The following PCDH15 variants were observed in gnomAD, a reference collection of about 807,000 sequenced individuals.
PCDH15 encodes the protein protocadherin-15.
In PCDH15, 129 loss-of-function variants were observed where a neutral mutation model predicts 178.5. The ratio of observed to expected loss-of-function variants is 0.72; its 90% CI spans 0.63 to 0.84. The LOEUF is 0.84. Among genes scored for constraint, PCDH15 ranks in the 40% least tolerant of loss-of-function variants. PCDH15 has a pLI of 0.00. For synonymous variants in PCDH15, 800 were observed against 732.0 expected, an observed-to-expected ratio of 1.09 and a Z score of -1.50; for missense variants, 2,230 against 2,099.9, an observed-to-expected ratio of 1.06 and a Z score of -1.21.
upstream of PCDH15, among the ~76,000 whole-genome samples, chr10:55,322,308 C>T (rs1278202971): frequency 6.6e-6 from 1 of 152,110 alleles, no homozygotes; most frequent in Non-Finnish European, 1.5e-5. Context: ...AAACCTCTTT[C>T]CTTTATAAAT....
intron 18 of PCDH15, among the ~76,000 whole-genome samples, chr10:54,029,957 C>G (rs988337514): frequency 1.3e-5 from 2 of 152,128 alleles, no homozygotes; most frequent in African/African-American, 4.8e-5. Context: ...TGCACTCCTT[C>G]CACTGAGAAG....
At chr10:54,665,325 A>C (rs187539312) in intron 1 of PCDH15, among the ~76,000 whole-genome samples, 36 of 152,082 alleles carry the variant, frequency 2.4e-4, no homozygotes, top group African/African-American at 7.7e-4. Flanking sequence ...CAGAAATCCA[A>C]ATTTTCATGT....
At chr10:53,855,918 A>ATATG (rs1554832786) in intron 28 of PCDH15, among the ~76,000 whole-genome samples, 1 of 139,536 alleles carries the variant, frequency 7.2e-6, no homozygotes, top group Non-Finnish European at 1.5e-5. Flanking sequence ...ATATATATAT[A>ATATG]TATGTATGTG....
chr10:54,055,326 T>C (rs1313523677), intron 18 of PCDH15, among the ~76,000 whole-genome samples: 1 of 152,182 alleles, frequency 6.6e-6, no homozygotes, highest in African/African-American at 2.4e-5. Context: ...ATGGTTCTAT[T>C]TTTGTTACCT....
At chr10:54,313,946 CTAACTACTAG>C (rs1425424382) in intron 8 of PCDH15, among the ~76,000 whole-genome samples, 1 of 152,052 alleles carries the variant, frequency 6.6e-6, no homozygotes, top group Non-Finnish European at 1.5e-5. Context: ...CCTCAATGAA[CTAACTACTAG>C]TAAACAGTCA....
intron 2 of PCDH15, among the ~76,000 whole-genome samples, chr10:55,603,002 A>G (rs564619637): frequency 1.3e-5 from 2 of 152,090 alleles, no homozygotes; most frequent in Non-Finnish European, 2.9e-5. Context: ...AAAATTTAGA[A>G]GAATGTATAA....
intron 9 of PCDH15, among the ~76,000 whole-genome samples, chr10:54,228,166 C>T (rs983334071): frequency 6.6e-6 from 1 of 152,132 alleles, no homozygotes; most frequent in Non-Finnish European, 1.5e-5. Flanking sequence ...TTTCACACAG[C>T]TGATAAAGAC....
intron 3 of PCDH15, among the ~76,000 whole-genome samples, chr10:54,843,605 C>T (rs1454852392): frequency 3.9e-5 from 6 of 151,958 alleles, no homozygotes; most frequent in Non-Finnish European, 8.8e-5. Context: ...ACACACACAT[C>T]ATACATTTGC....
At chr10:55,034,272 A>C (rs1840683708) in intron 2 of PCDH15, among the ~76,000 whole-genome samples, 1 of 152,242 alleles carries the variant, frequency 6.6e-6, no homozygotes, top group South Asian at 2.1e-4. Context: ...TAAAAATAAT[A>C]CTTTTTCCTG....
chr10:53,896,742 A>G (rs1262508530), intron 26 of PCDH15, among the ~76,000 whole-genome samples: 2 of 152,108 alleles, frequency 1.3e-5, no homozygotes, highest in East Asian at 3.9e-4. Context: ...TGGCAGCATC[A>G]GGTTCTTATA....
At chr10:54,668,711 C>A (rs2094610330) in intron 1 of PCDH15, among the ~76,000 whole-genome samples, 1 of 152,156 alleles carries the variant, frequency 6.6e-6, no homozygotes, top group African/African-American at 2.4e-5. Flanking sequence ...ACAATTTTGA[C>A]AATGTTAACT....
intron 2 of PCDH15, among the ~76,000 whole-genome samples, chr10:55,331,029 A>C (rs963621067): frequency 1.3e-5 from 2 of 151,926 alleles, no homozygotes; most frequent in Non-Finnish European, 2.9e-5. Context: ...CATGTTATCC[A>C]TTATACTTAA....
At chr10:54,901,912 C>G (rs530761191) in intron 2 of PCDH15, among the ~76,000 whole-genome samples, 2 of 152,140 alleles carry the variant, frequency 1.3e-5, no homozygotes, top group African/African-American at 4.8e-5. Context: ...ATCAGAAAAT[C>G]ATAATTTTAT....
At chr10:54,557,419 C>T (rs1192958233) in intron 2 of PCDH15, among the ~76,000 whole-genome samples, 1 of 152,072 alleles carries the variant, frequency 6.6e-6, no homozygotes, top group Non-Finnish European at 1.5e-5. Flanking sequence ...GCACATTTCC[C>T]CCTCAAACCC....
intron 25 of PCDH15, among the ~76,000 whole-genome samples, chr10:53,919,708 A>G (rs547791629): frequency 6.6e-6 from 1 of 152,314 alleles, no homozygotes; most frequent in Admixed American, 6.5e-5. Context: ...AAAAACCTGA[A>G]GTAATCCTTG....
intron 2 of PCDH15, among the ~76,000 whole-genome samples, chr10:54,941,659 C>A (rs549430043): frequency 6.6e-6 from 1 of 151,796 alleles, no homozygotes; most frequent in Non-Finnish European, 1.5e-5. Context: ...CTTTGTAGAC[C>A]GTGTAATTTT....
rs992882983 is a variant in PCDH15 at position 55,199,422 on chromosome 10, T to C, written c.-155-32771A>G. 6.6e-5 allele frequency among the ~76,000 whole-genome samples: 10 copies of C among 152,074 alleles called. 1 individual carries two copies. Among genetic ancestry groups the C allele is most frequent in the Non-Finnish European group, 1.0e-4 (7 of 68,036 alleles). On this transcript the variant is annotated intron_variant, in intron 1 of 5. Transcript: ENST00000458638. The stretch of plus-strand genomic sequence containing the variant: ...GCAAGGCATTCAATATGTGGCCTGG[T>C]TGCTTATAAAAGCCAATGCTCATTT...
intron 18 of PCDH15, among the ~76,000 whole-genome samples, chr10:54,029,751 A>T (rs1226839636): frequency 6.6e-6 from 1 of 152,170 alleles, no homozygotes; most frequent in Non-Finnish European, 1.5e-5. Context: ...CTTAAACACT[A>T]AATTCATTCC....
At chr10:54,035,766 T>C (rs896988557) in intron 18 of PCDH15, among the ~76,000 whole-genome samples, 13 of 152,090 alleles carry the variant, frequency 8.5e-5, no homozygotes, top group African/African-American at 2.9e-4. Context: ...ATGATTAAGC[T>C]TAGTGAGAAA....
Sources: allele counts gnomAD v4.1 joint callset (sites outside exome capture counted in the v4.1 genomes callset), GRCh38; gene constraint gnomAD v4.1.1; transcripts MANE v1.5; gene names NCBI Gene and HGNC (gene_info 2026-07-23, HGNC 2026-07-21).